Variants in NDUFS4 observed in about 807,000 individuals in gnomAD.
NDUFS4 encodes NADH:ubiquinone oxidoreductase subunit S4.
In NDUFS4, 28 loss-of-function variants were observed where a neutral mutation model predicts 24.3. The observed-to-expected ratio is 1.15, with a 90% confidence interval of 0.85 to 1.58. The LOEUF is 1.58. NDUFS4 is among the 40% of genes most tolerant of loss of function. NDUFS4 has a pLI of 0.00. For synonymous variants in NDUFS4, 93 were observed against 69.7 expected (o/e 1.34, Z -1.67); for missense variants, 223 against 207.9 (o/e 1.07, Z -0.45).
chr5:53,619,221 A>T (rs1750948991), intron 2 of NDUFS4, among the ~76,000 whole-genome samples: 1 of 151,236 alleles, frequency 6.6e-6, no homozygotes, highest in Non-Finnish European at 1.5e-5. Flanking sequence ...CTGTAATCCC[A>T]GCACTTTGGG....
At chr5:53,605,964 A>G (rs1332623707) in intron 2 of NDUFS4, among the ~76,000 whole-genome samples, 2 of 150,998 alleles carry the variant, frequency 1.3e-5, no homozygotes, top group African/African-American at 4.9e-5. Context: ...CAGTGAGCCA[A>G]GATTGCGCCA....
chr5:53,583,597 C>T (rs971406757), intron 1 of NDUFS4, among the ~76,000 whole-genome samples: 5 of 152,158 alleles, frequency 3.3e-5, no homozygotes, highest in African/African-American at 1.2e-4. Flanking sequence ...ATTAAATATA[C>T]CGCATGATTT....
At position 53,573,516 on chromosome 5, in the gene NDUFS4, G is replaced by A. The variant is rs554998684; in HGVS notation, c.98+12756G>A. ...AGCGTGCAGATCCTGTATATGTTTC[G>A]TTAGATTTATGCCTAACTATCTCAA... is the stretch of plus-strand genomic sequence containing the variant. On this transcript the variant is annotated intron_variant, in intron 1 of 4. Coordinates refer to ENST00000296684, the MANE Select transcript of NDUFS4 (RefSeq NM_002495.4). The A allele has an allele frequency of 1.4e-4, 61 of 436,836 alleles. No individual in the cohort carries two copies. The Middle Eastern group carries it at 2.2e-3, about 16-fold the overall frequency. The allele number at this position is 436,836 out of a possible 1,614,324, so 27.1% of individuals were successfully genotyped here.
intron 2 of NDUFS4, among the ~76,000 whole-genome samples, chr5:53,635,135 A>G (rs1751511135): frequency 6.6e-6 from 1 of 151,976 alleles, no homozygotes; most frequent in East Asian, 1.9e-4. Flanking sequence ...GGTTGCAGTG[A>G]GCTGAGATCA....
intron 4 of NDUFS4, among the ~76,000 whole-genome samples, chr5:53,672,525 A>G (rs1198762862): frequency 6.6e-6 from 1 of 152,174 alleles, no homozygotes; most frequent in Non-Finnish European, 1.5e-5. Flanking sequence ...GCTAAAAGAT[A>G]AGGAACTGAT....
intron 1 of NDUFS4, among the ~76,000 whole-genome samples, chr5:53,576,417 A>C (rs1318367455): frequency 6.6e-6 from 1 of 152,134 alleles, no homozygotes; most frequent in South Asian, 2.1e-4. Flanking sequence ...TTCTTTTTCT[A>C]GTTTGTCTCT....
intron 2 of NDUFS4, among the ~76,000 whole-genome samples, chr5:53,632,413 T>C (rs960239872): frequency 1.3e-5 from 2 of 152,166 alleles, no homozygotes; most frequent in Non-Finnish European, 2.9e-5. Context: ...TTCAGCAAAA[T>C]CTTTACTCTG....
intron 1 of NDUFS4, among the ~76,000 whole-genome samples, chr5:53,574,857 T>C (rs1323073071): frequency 6.6e-6 from 1 of 152,170 alleles, no homozygotes; most frequent in East Asian, 1.9e-4. Flanking sequence ...ATTGTGGCTA[T>C]CATTAAGTTG....
chr5:53,667,816 A>G (rs1384517205), intron 4 of NDUFS4, among the ~76,000 whole-genome samples: 1 of 152,206 alleles, frequency 6.6e-6, no homozygotes, highest in Non-Finnish European at 1.5e-5. Context: ...GCTTCACTAC[A>G]CTTAGCCTTT....
At chr5:53,614,481 T>G (rs1219359094) in intron 2 of NDUFS4, among the ~76,000 whole-genome samples, 1 of 152,000 alleles carries the variant, frequency 6.6e-6, no homozygotes, top group African/African-American at 2.4e-5. Flanking sequence ...CTGTGATTCT[T>G]CAGCAATTAA....
intron 1 of NDUFS4, among the ~76,000 whole-genome samples, chr5:53,595,694 T>A (rs1392520328): frequency 1.3e-5 from 2 of 152,166 alleles, no homozygotes; most frequent in African/African-American, 4.8e-5. Context: ...ACTCTTCAAT[T>A]CCATTTCAGA....
intron 1 of NDUFS4, 83 bp downstream of exon 1, chr5:53,560,843 G>C: frequency 6.2e-7 from 1 of 1,602,278 alleles, no homozygotes; most frequent in Non-Finnish European, 8.5e-7. Flanking sequence ...TTCCGGAGGA[G>C]GCCTCGGGGA....
At chr5:53,660,062 T>G (rs1752287166) in intron 4 of NDUFS4, among the ~76,000 whole-genome samples, 1 of 151,920 alleles carries the variant, frequency 6.6e-6, no homozygotes, top group Non-Finnish European at 1.5e-5. Flanking sequence ...TTGCTACACA[T>G]GTATACATGT....
chr5:53,672,221 T>TA (rs1445364862), intron 4 of NDUFS4, among the ~76,000 whole-genome samples: 13 of 148,660 alleles, frequency 8.7e-5, no homozygotes, highest in East Asian at 5.9e-4. Flanking sequence ...ATATATCTTT[T>TA]AAAAAAACAA....
At chr5:53,673,346 C>G (rs1157224266) in intron 4 of NDUFS4, among the ~76,000 whole-genome samples, 1 of 152,050 alleles carries the variant, frequency 6.6e-6, no homozygotes, top group Non-Finnish European at 1.5e-5. Flanking sequence ...CAGAGGCCCT[C>G]TAGGGAATCT....
chr5:53,626,728 G>A (rs562832223), intron 2 of NDUFS4, among the ~76,000 whole-genome samples: 50 of 152,160 alleles, frequency 3.3e-4, no homozygotes, highest in African/African-American at 1.2e-3. Flanking sequence ...TGATGGGGCT[G>A]TTGGTTTTTT....
intron 1 of NDUFS4, among the ~76,000 whole-genome samples, chr5:53,597,877 G>A (rs766909137): frequency 3.3e-5 from 5 of 152,118 alleles, no homozygotes; most frequent in Non-Finnish European, 5.9e-5. Flanking sequence ...TATATCTACA[G>A]TTAACAAATA....
chr5:53,574,123 A>G (rs981594190), intron 1 of NDUFS4, among the ~76,000 whole-genome samples: 1 of 152,098 alleles, frequency 6.6e-6, no homozygotes, highest in Non-Finnish European at 1.5e-5. Flanking sequence ...TTCCAGGAGG[A>G]TGTTAAGAAT....
At position 53,638,345 on chromosome 5, in the gene NDUFS4, G is replaced by A. The variant is rs150625426; in HGVS notation, c.178-7888G>A. On this transcript the variant is annotated intron_variant, in intron 2 of 4. Transcript: ENST00000296684. ...TCAGAGGTTTAAAAGACATAATTTA[G>A]AATTTTACTTTAAGAAGTAAAAAAT... 9.2e-3 allele frequency among the ~76,000 whole-genome samples: 1,396 copies of A among 152,108 alleles called. 17 individuals are homozygous for A. The highest frequency in any genetic ancestry group is 0.032 in the African/African-American group (1,323 of 41,528).
Sources: gnomAD v4.1 joint callset for allele counts (sites outside exome capture counted in the v4.1 genomes callset) on GRCh38, gnomAD v4.1.1 for gene constraint, MANE v1.5 for transcripts, NCBI Gene and HGNC (gene_info 2026-07-23, HGNC 2026-07-21) for gene names.